MYOM1: variants seen among roughly 807,000 people sequenced by gnomAD.
MYOM1 encodes myomesin-1.
A neutral mutation model predicts 205.3 loss-of-function variants in MYOM1; 164 were observed. The ratio of observed to expected loss-of-function variants is 0.80; its 90% confidence interval spans 0.70 to 0.91. MYOM1 has a LOEUF of 0.91. Among genes scored for constraint, MYOM1 ranks in the 40% least tolerant of loss-of-function variants. MYOM1 has a pLI of 0.00. For synonymous variants in MYOM1, 772 were observed against 789.4 expected (o/e 0.98, Z 0.37); for missense variants, 2,011 against 2,127.3 (o/e 0.95, Z 1.08).
Position 3,174,003 on chromosome 18 carries a change from A to T in MYOM1, c.1112-3T>A. 1 of 1,613,028 alleles carries T rather than the reference A, an allele frequency of 6.2e-7. No individual in the cohort carries two copies. On this transcript the variant is annotated splice_polypyrimidine_tract_variant and splice_region_variant and intron_variant, in intron 7 of 37. Transcript: ENST00000356443. The stretch of plus-strand genomic sequence containing the variant: ...CTCATCAAACTCTCCCTTATACCCT[A>T]GAGAAGAAAACAGAAACGCATGTGA...
chr18:3,186,843 A>G (rs2080822718), intron 5 of MYOM1, among the ~76,000 whole-genome samples: 2 of 151,336 alleles, frequency 1.3e-5, no homozygotes, highest in African/African-American at 4.9e-5. Flanking sequence ...AGAAGAGAAA[A>G]GAAAGAAAGG....
intron 19 of MYOM1, among the ~76,000 whole-genome samples, chr18:3,121,531 G>T (rs1022561135): frequency 1.3e-5 from 2 of 152,178 alleles, no homozygotes; most frequent in African/African-American, 4.8e-5. Context: ...ATATTGGTAA[G>T]TTGAATCTAT....
At chr18:3,113,956 G>A (rs1327446909) in intron 21 of MYOM1, among the ~76,000 whole-genome samples, 1 of 152,182 alleles carries the variant, frequency 6.6e-6, no homozygotes, top group Non-Finnish European at 1.5e-5. Flanking sequence ...ACAGCAGAAT[G>A]TCACTATTTA....
At chr18:3,212,792 A>G (rs963800325) in intron 2 of MYOM1, among the ~76,000 whole-genome samples, 3 of 152,188 alleles carry the variant, frequency 2.0e-5, no homozygotes, top group African/African-American at 7.2e-5. Context: ...AAACAAATTG[A>G]GGCTGTCATA....
Position 3,071,958 on chromosome 18 carries a change from C to T in MYOM1, c.4709-69G>A. 4 of 1,351,694 alleles carry T rather than the reference C, an allele frequency of 3.0e-6. No individual in the cohort carries two copies. In the South Asian group the frequency reaches 3.7e-5, roughly 13 times the overall value. The allele number at this position is 1,351,694 out of a possible 1,614,324, so 83.7% of individuals were successfully genotyped here. A position where few individuals can be genotyped will look rare whatever the true frequency, so the allele number is the denominator to read the frequency against. On this transcript the variant is annotated intron_variant, in intron 36 of 37. Transcript: ENST00000356443. Reference sequence around the variant, plus strand: ...CCAGCGGTCATACTCACAAAACCACCCAGGAAGCTACATTTCCAATTTAGT... The same window carrying T: ...CCAGCGGTCATACTCACAAAACCACTCAGGAAGCTACATTTCCAATTTAGT...
chr18:3,175,694 T>C (rs1389760190), intron 6 of MYOM1, among the ~76,000 whole-genome samples: 1 of 152,224 alleles, frequency 6.6e-6, no homozygotes, highest in Non-Finnish European at 1.5e-5. Context: ...GACTCTGAAA[T>C]GATTACTGAA....
At chr18:3,236,854 T>C in the MYOM1 span, among the ~76,000 whole-genome samples, 2 of 152,118 alleles carry the variant, frequency 1.3e-5, no homozygotes, top group Admixed American at 1.3e-4. Context: ...CTACTCCATG[T>C]GATTAGCGAA....
chr18:3,246,330 A>T, the MYOM1 span: 7 of 152,206 alleles, frequency 4.6e-5, no homozygotes, highest in African/African-American at 1.4e-4. Flanking sequence ...GCCCTCGCCG[A>T]TAAGAGCCCA....
intron 17 of MYOM1, among the ~76,000 whole-genome samples, chr18:3,130,656 A>G (rs2079862389): frequency 6.6e-6 from 1 of 151,858 alleles, no homozygotes; most frequent in Admixed American, 6.6e-5. Context: ...GGATTTCACT[A>G]TGTTGCCCAA....
intron 18 of MYOM1, among the ~76,000 whole-genome samples, chr18:3,128,601 C>T (rs1328369234): frequency 6.6e-6 from 1 of 151,974 alleles, no homozygotes; most frequent in Non-Finnish European, 1.5e-5. Context: ...ATATTTATAG[C>T]TGTTTTTTTC....
At chr18:3,168,225 A>T (rs1457454589) in intron 9 of MYOM1, among the ~76,000 whole-genome samples, 1 of 152,222 alleles carries the variant, frequency 6.6e-6, no homozygotes, top group African/African-American at 2.4e-5. Context: ...AAAGTTACAT[A>T]CCATTTTTAT....
At chr18:3,075,948 T>C (rs985416336) in intron 34 of MYOM1, among the ~76,000 whole-genome samples, 187 bp from the exon 35 acceptor site, 1 of 152,184 alleles carries the variant, frequency 6.6e-6, no homozygotes, top group African/African-American at 2.4e-5. Context: ...AAATACATTG[T>C]AGGCACAAAA....
chr18:3,215,496 C>T (rs766381639), intron 1 of MYOM1, among the ~76,000 whole-genome samples: 10 of 151,948 alleles, frequency 6.6e-5, no homozygotes, highest in Non-Finnish European at 5.9e-5. Flanking sequence ...CCAGCTACTC[C>T]GGAGGCTGAG....
At chr18:3,078,652 T>A (rs1211746431) in intron 34 of MYOM1, among the ~76,000 whole-genome samples, 2 of 152,054 alleles carry the variant, frequency 1.3e-5, no homozygotes, top group Admixed American at 1.3e-4. Flanking sequence ...CCCAGACTGG[T>A]CTTAAATTCC....
intron 2 of MYOM1, 109 bp downstream of exon 2, chr18:3,214,825 T>C: frequency 7.7e-7 from 1 of 1,297,822 alleles, no homozygotes; most frequent in South Asian, 1.6e-5. Flanking sequence ...AAACTCTGTC[T>C]CAAAAAACCA....
At chr18:3,167,781 G>C (rs2080494775) in intron 9 of MYOM1, among the ~76,000 whole-genome samples, 1 of 152,180 alleles carries the variant, frequency 6.6e-6, no homozygotes, top group Non-Finnish European at 1.5e-5. Flanking sequence ...CTTTGACTGG[G>C]TTTTATCTGG....
At chr18:3,134,253 G>C (rs1300420939) in intron 16 of MYOM1, among the ~76,000 whole-genome samples, 1 of 152,030 alleles carries the variant, frequency 6.6e-6, no homozygotes, top group South Asian at 2.1e-4. Context: ...CTATTTACAG[G>C]CCTGGTCATT....
intron 25 of MYOM1, among the ~76,000 whole-genome samples, chr18:3,096,634 T>C (rs1305398270): frequency 6.6e-6 from 1 of 152,128 alleles, no homozygotes; most frequent in Admixed American, 6.6e-5. Flanking sequence ...TTTTAGAATA[T>C]AATATGTTGA....
chr18:3,197,468 T>A (rs907997713), intron 2 of MYOM1, among the ~76,000 whole-genome samples: 4 of 152,170 alleles, frequency 2.6e-5, no homozygotes, highest in African/African-American at 7.2e-5. Flanking sequence ...ATACTACCTA[T>A]ATATGTTTAT....
Sources: allele counts gnomAD v4.1 joint callset (sites outside exome capture counted in the v4.1 genomes callset), GRCh38; gene constraint gnomAD v4.1.1; transcripts MANE v1.5; gene names NCBI Gene and HGNC (gene_info 2026-07-23, HGNC 2026-07-21).